IFT172: variants seen among roughly 807,000 people sequenced by gnomAD.
The protein encoded by IFT172 is intraflagellar transport protein 172 homolog.
IFT172 carries 164 observed loss-of-function variants against 248.9 expected under a neutral mutation model. The observed-to-expected ratio is 0.66, with a 90% CI of 0.58 to 0.75. IFT172 has a LOEUF of 0.75. Ranked by LOEUF, IFT172 falls within the 30% of genes least tolerant of loss-of-function variation. IFT172 has a pLI of 0.00. For synonymous variants in IFT172, 729 were observed against 791.6 expected (o/e 0.92, Z 1.33); for missense variants, 1,950 against 2,192.4 (o/e 0.89, Z 2.21).
intron 1 of IFT172, among the ~76,000 whole-genome samples, chr2:27,489,026 A>G (rs1260327): frequency 0.57 from 87,109 of 152,144 alleles, 27,881 homozygotes; most frequent in African/African-American, 0.87. Context: ...AACAGAGCAA[A>G]ACTCTGTCTC....
rs34115935 is a variant in IFT172 at position 27,467,418 on chromosome 2, GAAAAAAAAAAAAAAAAA to G, written c.1693-1553_1693-1537del. On this transcript the variant is annotated intron_variant, in intron 16 of 47. Transcript: ENST00000260570. ...TGAGAACTTGTCTTTACAGAAAATT[GAAAAAAAAAAAAAAAAA>G]AAAAAAAAAAAAAAGCAGGGCATGG... is the stretch of plus-strand genomic sequence containing the variant. Among the ~76,000 whole-genome samples the G allele has an allele frequency of 5.5e-4, 9 of 16,428 alleles. 1 individual carries two copies. Among genetic ancestry groups the G allele is most frequent in the African/African-American group, 9.6e-4 (4 of 4,158 alleles). The allele number at this position is 16,428 out of a possible 152,430, so 10.8% of individuals were successfully genotyped here.
intron 35 of IFT172, among the ~76,000 whole-genome samples, chr2:27,452,052 G>T (rs760003601): frequency 1.1e-4 from 17 of 148,956 alleles, no homozygotes; most frequent in Non-Finnish European, 2.1e-4. Flanking sequence ...CAGGGTATCC[G>T]GGTATTTGGT....
At chr2:27,453,548 A>C (rs1390155854) in intron 34 of IFT172, 35 bp from the exon 35 acceptor site, 1 of 1,611,620 alleles carries the variant, frequency 6.2e-7, no homozygotes, top group Admixed American at 1.7e-5. Context: ...TTGGCATGGT[A>C]GGGGGGCAGC....
In IFT172 at chr2:27,476,685, T is replaced by C; in HGVS notation, c.1367A>G (p.Asn456Ser). The change falls in exon 14 of 48, where the codon AAT (asparagine) becomes AGT (serine). Residue 456 changes from asparagine (N) to serine (S), a missense_variant. Physicochemically the swap from Asn to Ser is conservative, Grantham distance 46. This residue lies in a region of IFT172 where 1,166 missense variants were observed against 1,254.1 expected (regional missense o/e 0.93). Coordinates refer to ENST00000260570, the MANE Select transcript of IFT172 (RefSeq NM_015662.3). ...ATCAATAAGATAAGCCAATTTCTTA[T>C]TATCTTCTGTTCCTCGCTGACACCT... ...NERCQRGTED[N>S]KKLAYLIDIK... 1 of 1,612,614 alleles carries C rather than the reference T, an allele frequency of 6.2e-7. No individual in the cohort carries two copies. The highest frequency in any genetic ancestry group is 8.5e-7 in the Non-Finnish European group (1 of 1,178,670).
chr2:27,459,842 GAA>G lies in IFT172; in HGVS notation c.2522-15_2522-14del, dbSNP rs771027025. On this transcript the variant is annotated splice_polypyrimidine_tract_variant and intron_variant, in intron 23 of 47. Coordinates refer to ENST00000260570, the MANE Select transcript of IFT172 (RefSeq NM_015662.3). The stretch of plus-strand genomic sequence containing the variant: ...GCCAGCTCTACCGCTGCCAGGGAGA[GAA>G]AAGATGCTCAGCCCAGATTTCCAGG... The G allele has an allele frequency of 6.2e-7, 1 of 1,609,044 alleles. No homozygotes were observed. Among genetic ancestry groups the G allele is most frequent in the South Asian group, 1.1e-5 (1 of 91,074 alleles).
In IFT172 at chr2:27,458,152, C is replaced by T. The variant is rs141970363; in HGVS notation, c.2949G>A (p.Lys983=). The T allele has an allele frequency of 5.8e-5, 94 of 1,614,138 alleles. No individual in the cohort carries two copies. In the African/African-American group the frequency reaches 1.1e-3, roughly 19 times the overall value. The part of the protein sequence containing the change: ...LYITQAQEME[K]QGKYREAERL... The stretch of plus-strand genomic sequence containing the variant: ...TTTCAGCCTCACGGTACTTGCCCTG[C>T]TTCTCCATTTCCTGGGCCTGAGTGA... Residue 983 remains lysine (K), a synonymous_variant, in exon 27 of 48, where the codon AAG becomes AAA. Coordinates refer to ENST00000260570, the MANE Select transcript of IFT172 (RefSeq NM_015662.3).
rs373382907 is a variant in IFT172 at position 27,453,682 on chromosome 2, G to A, written c.3769C>T (p.Leu1257=). The A allele has an allele frequency of 2.4e-5, 38 of 1,612,304 alleles. No individual in the cohort carries two copies. Among genetic ancestry groups the A allele is most frequent in the Non-Finnish European group, 3.2e-5 (38 of 1,179,530 alleles). Residue 1257 remains leucine (L), a synonymous_variant, in exon 34 of 48, where the codon CTG becomes TTG. Transcript: ENST00000260570. ...TCATATTCTTCCTGCAGAGCCTCCAGCTGGCTGGGCACATAGTCCTTGCAG... is the reference window on the plus strand; with the variant it reads ...TCATATTCTTCCTGCAGAGCCTCCAACTGGCTGGGCACATAGTCCTTGCAG... ...RICKDYVPSQ[L]EALQEEYERE...
chr2:27,488,942 T>G (rs1429402493), intron 1 of IFT172, among the ~76,000 whole-genome samples: 1 of 152,332 alleles, frequency 6.6e-6, no homozygotes, highest in East Asian at 1.9e-4. Context: ...CTTGGGAGGC[T>G]ATGGCAGGAA....
chr2:27,461,609 T>G, intron 21 of IFT172, 92 bp from the exon 22 acceptor site: 1 of 1,528,068 alleles, frequency 6.5e-7, no homozygotes. Context: ...ACAAGGGGAA[T>G]CCTCCTGGGT....
In IFT172 at chr2:27,445,092, C is replaced by G; in HGVS notation, c.5082G>C (p.Leu1694=). 1 of 1,614,004 alleles carries G rather than the reference C, an allele frequency of 6.2e-7. No homozygotes were observed. Among genetic ancestry groups the G allele is most frequent in the Non-Finnish European group, 8.5e-7 (1 of 1,180,008 alleles). The change falls in exon 47 of 48, where the codon CTG becomes CTC. Residue 1694 remains leucine (L), a synonymous_variant. Coordinates refer to ENST00000260570, the MANE Select transcript of IFT172 (RefSeq NM_015662.3). This position sits in a 1 kb window ranked among gnomAD's most constrained non-coding sequence, Gnocchi z 4.4. ...GCCGCTTAAATTCAATTTTGTTCCT[C>G]AGAATGGGGTATCCTGTGGAGGAAG... ...LPCLITGYPI[L]RNKIEFKRPG...
chr2:27,479,430 TG>T, intron 10 of IFT172, 78 bp downstream of exon 10: 1 of 828,196 alleles, frequency 1.2e-6, no homozygotes, highest in Non-Finnish European at 2.1e-6. Flanking sequence ...ACTATGGCTG[TG>T]GCCAGAAGGC....
rs755092127 is a variant in IFT172 at position 27,449,348 on chromosome 2, G to A, written c.4257C>T (p.Asp1419=). Residue 1419 remains aspartate, a synonymous_variant, in exon 39 of 48, where the codon GAC becomes GAT. Transcript: ENST00000260570. ...LVGVDVIAAL[D]LYVEQGQWDK... ...CCCACTGGCCCTGCTCCACATACAGGTCCAAAGCAGCTATCACATCCACAC... is the reference window on the plus strand; with the variant it reads ...CCCACTGGCCCTGCTCCACATACAGATCCAAAGCAGCTATCACATCCACAC... 6.2e-7 allele frequency: 1 copy of A among 1,613,984 alleles called. No individual in the cohort carries two copies.
Position 27,447,930 on chromosome 2 carries a change from T to G in IFT172, c.4429-8A>C, listed in dbSNP as rs779760054. 3 of 1,541,738 alleles carry G rather than the reference T, an allele frequency of 1.9e-6. No individual in the cohort carries two copies. In the East Asian group the frequency reaches 6.7e-5, roughly 35 times the overall value. On this transcript the variant is annotated splice_region_variant and splice_polypyrimidine_tract_variant and intron_variant, in intron 40 of 47. Transcript: ENST00000260570. ...TTTGTAGATATTGAAGTTCTAGAGG[T>G]AGAGGGAAGAAGGGGATCTGAGAAG...
intron 35 of IFT172, among the ~76,000 whole-genome samples, chr2:27,450,329 T>C (rs569041154): frequency 4.5e-4 from 69 of 152,344 alleles, no homozygotes; most frequent in South Asian, 1.4e-3. Flanking sequence ...AGATACTTCC[T>C]GCGCTGCCTG....
At chr2:27,457,295 C>T (rs534514296) in intron 29 of IFT172, among the ~76,000 whole-genome samples, 11 of 152,098 alleles carry the variant, frequency 7.2e-5, no homozygotes, top group Non-Finnish European at 1.2e-4. Context: ...AAGGGCTGGG[C>T]AAGGTGGCTC....
rs768058682 is a variant in IFT172, at chr2:27,485,384, G to T, written c.159C>A (p.Phe53Leu). 6 of 1,614,032 alleles carry T rather than the reference G, an allele frequency of 3.7e-6. No individual in the cohort carries two copies. Among genetic ancestry groups the T allele is most frequent in the East Asian group, 2.2e-5 (1 of 44,898 alleles). ...CCTTCATGTCAGCTGGTTTGGTGGA[G>T]AATTTATCTCTCCGTTCTCCATGTT... The part of the protein sequence containing the change: ...YDEHGERRDK[F>L]STKPADMKYG... Residue 53 changes from phenylalanine (F) to leucine (L), a missense_variant, in exon 2 of 48, where the codon TTC becomes TTA. Around this residue, in one of 3 missense-constraint regions of IFT172, gnomAD observed 1,166 missense variants for 1,254.1 expected, o/e 0.93. Transcript: ENST00000260570.
chr2:27,446,408 C>T (rs566292247), intron 42 of IFT172, 53 bp from the exon 43 acceptor site: 2 of 1,493,944 alleles, frequency 1.3e-6, no homozygotes, highest in African/African-American at 2.8e-5. Context: ...ACTGAGCTAC[C>T]AGACCAATGA....
At chr2:27,475,047 G>A (rs1667867720) in intron 14 of IFT172, among the ~76,000 whole-genome samples, 1 of 151,764 alleles carries the variant, frequency 6.6e-6, no homozygotes, top group Non-Finnish European at 1.5e-5. Context: ...GAGACACTCT[G>A]ATTTTAAAAA....
intron 8 of IFT172, 44 bp downstream of exon 8, chr2:27,481,002 C>T (rs771584078): frequency 5.0e-5 from 74 of 1,492,466 alleles, no homozygotes; most frequent in Non-Finnish European, 6.8e-5. Flanking sequence ...AGAGAGTGTT[C>T]GCAGGGAAAG....
Sources: gnomAD v4.1 joint callset for allele counts (sites outside exome capture counted in the v4.1 genomes callset) on GRCh38, gnomAD v4.1.1 for gene constraint, gnomAD v4.1.1 regional missense constraint, Gnocchi (gnomAD v3.1) non-coding constraint, MANE v1.5 for transcripts, NCBI Gene and HGNC (gene_info 2026-07-23, HGNC 2026-07-21) for gene names.